Variants in GRM7 observed in about 807,000 individuals in gnomAD.
The protein encoded by GRM7 is glutamate metabotropic receptor 7, also known as metabotropic glutamate receptor 7.
In GRM7, 35 loss-of-function variants were observed where a neutral mutation model predicts 84.5. The ratio of observed to expected loss-of-function variants is 0.41; its 90% confidence interval spans 0.32 to 0.55. The LOEUF is 0.55. Among genes scored for constraint, GRM7 ranks in the 20% least tolerant of loss-of-function variants. GRM7 has a pLI of 0.19. For synonymous variants in GRM7, 487 were observed against 455.1 expected (o/e 1.07, Z -0.89); for missense variants, 1,003 against 1,194.6 (o/e 0.84, Z 2.36).
chr3:7,413,548 A>C (rs999441964), intron 4 of GRM7, among the ~76,000 whole-genome samples: 8 of 152,172 alleles, frequency 5.3e-5, no homozygotes, highest in Non-Finnish European at 1.2e-4. Context: ...ATTGTCTGAG[A>C]GGAGCTCCAT....
intron 1 of GRM7, among the ~76,000 whole-genome samples, chr3:6,960,538 AT>A (rs1318779776): frequency 6.6e-6 from 1 of 152,176 alleles, no homozygotes; most frequent in Non-Finnish European, 1.5e-5. Context: ...GCATCCCAGG[AT>A]TTTAAATACC....
chr3:6,867,428 A>T (rs999439882), intron 1 of GRM7, among the ~76,000 whole-genome samples: 1 of 152,146 alleles, frequency 6.6e-6, no homozygotes, highest in Non-Finnish European at 1.5e-5. Context: ...GAAGACAGAC[A>T]CTTCTGATGT....
chr3:7,694,705 A>G (rs892721593), intron 9 of GRM7, among the ~76,000 whole-genome samples: 3 of 152,334 alleles, frequency 2.0e-5, no homozygotes, highest in Admixed American at 6.5e-5. Flanking sequence ...GCATAAATAC[A>G]TTCAACATTT....
chr3:6,907,634 A>G (rs1360088036), intron 1 of GRM7, among the ~76,000 whole-genome samples: 1 of 152,184 alleles, frequency 6.6e-6, no homozygotes, highest in Non-Finnish European at 1.5e-5. Flanking sequence ...TTTGGCCATG[A>G]TAAAGAGTGG....
chr3:6,956,474 T>G (rs1693053611), intron 1 of GRM7: 1 of 443,218 alleles, frequency 2.3e-6, no homozygotes, highest in Non-Finnish European at 4.5e-6. Context: ...ATGTTTTTCA[T>G]TCATTTTTTT....
rs1575406868 is a variant in GRM7 at position 7,486,719 on chromosome 3, C to T, written c.1515+24997C>T. 1.3e-5 allele frequency among the ~76,000 whole-genome samples: 2 copies of T among 152,144 alleles called. No homozygotes were observed. Among genetic ancestry groups the T allele is most frequent in the African/African-American group, 4.8e-5 (2 of 41,438 alleles). ...CACCAGAATGATGAGACAAATAAGGCTGTTTTTTAAAATAATTTATGCAGC... is the reference window on the plus strand; with the variant it reads ...CACCAGAATGATGAGACAAATAAGGTTGTTTTTTAAAATAATTTATGCAGC... On this transcript the variant is annotated intron_variant, in intron 7 of 9. Coordinates refer to ENST00000357716, the MANE Select transcript of GRM7 (RefSeq NM_000844.4). The surrounding 1 kb of genome is among the most constrained non-coding windows in gnomAD (Gnocchi z 5.5).
chr3:7,700,579 A>G (rs13075495), intron 9 of GRM7, among the ~76,000 whole-genome samples: 4 of 152,224 alleles, frequency 2.6e-5, no homozygotes, highest in African/African-American at 9.6e-5. Flanking sequence ...AAATAGATTT[A>G]GTCATAAATA....
At chr3:7,020,767 T>A (rs574457819) in intron 1 of GRM7, among the ~76,000 whole-genome samples, 1 of 152,306 alleles carries the variant, frequency 6.6e-6, no homozygotes, top group East Asian at 1.9e-4. Flanking sequence ...TTTATCAAAT[T>A]TTTTTAGAGT....
chr3:7,162,728 C>CTTTTT (rs1559478421), intron 2 of GRM7, among the ~76,000 whole-genome samples: 3 of 57,102 alleles, frequency 5.3e-5, no homozygotes, highest in Admixed American at 2.3e-4. Context: ...TCCCATTTTT[C>CTTTTT]ATTTTTTTTT....
intron 4 of GRM7, among the ~76,000 whole-genome samples, chr3:7,347,994 T>G (rs1251453406): frequency 6.6e-6 from 1 of 152,152 alleles, no homozygotes; most frequent in African/African-American, 2.4e-5. Context: ...AAGGCCATTA[T>G]TTATATTTTA....
chr3:7,411,006 C>G (rs1002970330), intron 4 of GRM7, among the ~76,000 whole-genome samples: 1 of 152,100 alleles, frequency 6.6e-6, no homozygotes, highest in Non-Finnish European at 1.5e-5. Flanking sequence ...CTGTTTCTTC[C>G]AGGTTCTGCT....
chr3:6,981,973 C>T (rs1203142479), intron 1 of GRM7, among the ~76,000 whole-genome samples: 2 of 152,162 alleles, frequency 1.3e-5, no homozygotes, highest in Non-Finnish European at 2.9e-5. Context: ...ATAAATCATT[C>T]TGTTAAAAAC....
intron 4 of GRM7, among the ~76,000 whole-genome samples, chr3:7,313,576 A>G (rs1178979660): frequency 3.3e-5 from 5 of 152,162 alleles, no homozygotes; most frequent in African/African-American, 1.2e-4. Flanking sequence ...CTCTTACAAA[A>G]TATCTGTTGA....
At chr3:7,492,675 A>G (rs550896228) in intron 7 of GRM7, among the ~76,000 whole-genome samples, 1 of 151,922 alleles carries the variant, frequency 6.6e-6, no homozygotes, top group African/African-American at 2.4e-5. Flanking sequence ...TTTTTCCTAT[A>G]GATCTTTATT....
At chr3:7,452,917 T>C (rs1697835782) in intron 6 of GRM7, 110 bp downstream of exon 6, 1 of 690,082 alleles carries the variant, frequency 1.4e-6, no homozygotes, top group Admixed American at 2.7e-5. Context: ...AAAACTTGCT[T>C]GATTATAAAA....
At chr3:7,331,146 T>C (rs1466456223) in intron 4 of GRM7, among the ~76,000 whole-genome samples, 1 of 152,232 alleles carries the variant, frequency 6.6e-6, no homozygotes, top group African/African-American at 2.4e-5. Context: ...TAATACTGTA[T>C]TCCCTCTATA....
chr3:7,104,936 A>G (rs1699243351), intron 1 of GRM7, among the ~76,000 whole-genome samples: 1 of 151,882 alleles, frequency 6.6e-6, no homozygotes, highest in South Asian at 2.1e-4. Context: ...ATAGATTAAT[A>G]TACACATGGC....
chr3:7,056,875 C>T (rs1237275673), intron 1 of GRM7, among the ~76,000 whole-genome samples: 1 of 151,868 alleles, frequency 6.6e-6, no homozygotes, highest in Non-Finnish European at 1.5e-5. Context: ...AATATTATAA[C>T]TTAGTGCTTG....
In GRM7 at chr3:7,550,547, TTCTCTCTCTC is replaced by T. The variant is rs113713129; in HGVS notation, c.1516-27853_1516-27844del. Among the ~76,000 whole-genome samples, 282 of 103,512 alleles carry T rather than the reference TTCTCTCTCTC, an allele frequency of 2.7e-3. 3 individuals are homozygous for T. The highest frequency in any genetic ancestry group is 0.011 in the African/African-American group (257 of 22,354). 67.9% of individuals were successfully genotyped at this position (103,512 alleles called of 152,430 possible). ...CTTCCTTTTTTTCTTCTCCCTTTTC[TTCTCTCTCTC>T]TCTCTCTCTCTCTCTCTCTCTGTGT... On this transcript the variant is annotated intron_variant, in intron 7 of 9. Coordinates refer to ENST00000357716, the MANE Select transcript of GRM7 (RefSeq NM_000844.4).
Sources: gnomAD v4.1 joint callset for allele counts (sites outside exome capture counted in the v4.1 genomes callset) on GRCh38, gnomAD v4.1.1 for gene constraint, Gnocchi (gnomAD v3.1) non-coding constraint, MANE v1.5 for transcripts, NCBI Gene and HGNC (gene_info 2026-07-23, HGNC 2026-07-21) for gene names.